Variants in RAB3GAP2 observed in about 807,000 individuals in gnomAD.
The protein encoded by RAB3GAP2 is RAB3 GTPase activating non-catalytic protein subunit 2.
Under a neutral mutation model 185.3 loss-of-function variants are expected in RAB3GAP2, and 87 were observed. The observed-to-expected ratio is 0.47, with a 90% confidence interval of 0.39 to 0.56. RAB3GAP2 has a LOEUF of 0.56. Among genes scored for constraint, RAB3GAP2 ranks in the 20% least tolerant of loss-of-function variants. RAB3GAP2 has a pLI of 0.00. For missense variants in RAB3GAP2, 1,492 were observed against 1,638.2 expected (o/e 0.91, Z 1.54); for synonymous variants, 554 against 576.1 (o/e 0.96, Z 0.55).
intron 19 of RAB3GAP2, 143 bp from the exon 20 acceptor site, chr1:220,183,074 A>C (rs777175331): frequency 1.5e-6 from 1 of 678,916 alleles, no homozygotes; most frequent in Non-Finnish European, 2.5e-6. Context: ...TTTACTTACA[A>C]ATCACGTTTC....
At chr1:220,164,670 C>A (rs1347234096) in intron 27 of RAB3GAP2, 63 bp downstream of exon 27, 1 of 1,556,506 alleles carries the variant, frequency 6.4e-7, no homozygotes, top group East Asian at 2.3e-5. Context: ...AAATTCACAT[C>A]CTGTTAAATC....
At chr1:220,154,180 AT>A in intron 31 of RAB3GAP2, 123 bp from the exon 32 acceptor site, 1 of 1,363,640 alleles carries the variant, frequency 7.3e-7, no homozygotes, top group Non-Finnish European at 9.8e-7. Flanking sequence ...GAACAGTAAG[AT>A]TTTAGAATAA....
At position 220,205,921 on chromosome 1, in the gene RAB3GAP2, T is replaced by C; in HGVS notation, c.698A>G (p.Asn233Ser). 2.5e-6 allele frequency: 4 copies of C among 1,604,628 alleles called. No homozygotes were observed. The highest frequency in any genetic ancestry group is 3.3e-4 in the Middle Eastern group (2 of 6,040). The change falls in exon 8 of 35, where the codon AAT (asparagine) becomes AGT (serine). Residue 233 changes from asparagine (N) to serine (S), a missense_variant. Around this residue, in one of 5 missense-constraint regions of RAB3GAP2, gnomAD observed 243 missense variants for 314.8 expected, o/e 0.77. Coordinates refer to ENST00000358951, the MANE Select transcript of RAB3GAP2 (RefSeq NM_012414.4). The part of the protein sequence containing the change: ...SLFQSLRACR[N>S]QVAKAAASGN... Reference sequence around the variant, plus strand: ...CAAAATATTACCTTTTGCTACCTGATTTCGACAAGCACGAAGAGATTGAAA... The same window carrying C: ...CAAAATATTACCTTTTGCTACCTGACTTCGACAAGCACGAAGAGATTGAAA...
intron 1 of RAB3GAP2, among the ~76,000 whole-genome samples, chr1:220,265,423 TCCACAATATTATAATAC>T (rs1028266438): frequency 9.2e-5 from 14 of 152,054 alleles, no homozygotes; most frequent in African/African-American, 3.4e-4. Flanking sequence ...AATCAAGAAA[TCCACAATATTATAATAC>T]CCAAATTATC....
intron 1 of RAB3GAP2, among the ~76,000 whole-genome samples, chr1:220,242,813 CAA>C (rs909871215): frequency 4.1e-4 from 63 of 152,174 alleles, no homozygotes; most frequent in Admixed American, 3.3e-3. Context: ...TCCAAAAATA[CAA>C]AGTTTTTTGG....
At chr1:220,177,136 T>C (rs1393138874) in intron 21 of RAB3GAP2, among the ~76,000 whole-genome samples, 1 of 152,238 alleles carries the variant, frequency 6.6e-6, no homozygotes, top group Non-Finnish European at 1.5e-5. Flanking sequence ...CCCAGGTCCC[T>C]GGCCAGTATT....
intron 28 of RAB3GAP2, among the ~76,000 whole-genome samples, chr1:220,161,628 G>T (rs1410718468): frequency 6.6e-6 from 1 of 152,170 alleles, no homozygotes; most frequent in African/African-American, 2.4e-5. Context: ...AAAAGGGGGA[G>T]TTATTTCCAT....
At chr1:220,155,126 AT>A (rs1214198981) in intron 31 of RAB3GAP2, among the ~76,000 whole-genome samples, 1 of 152,234 alleles carries the variant, frequency 6.6e-6, no homozygotes, top group East Asian at 1.9e-4. Flanking sequence ...AGGAAACAGG[AT>A]TTTAGAAGTT....
At chr1:220,167,794 G>T in intron 24 of RAB3GAP2, 119 bp from the exon 25 acceptor site, 1 of 1,104,374 alleles carries the variant, frequency 9.1e-7, no homozygotes, top group South Asian at 1.3e-5. Flanking sequence ...TCAGCCTGAA[G>T]CTGACCCGAA....
chr1:220,149,856 GTTTTTC>G lies in RAB3GAP2; in HGVS notation c.*1389_*1394del. 1 of 152,146 alleles carries G rather than the reference GTTTTTC, an allele frequency of 6.6e-6. No homozygotes were observed. The allele number at this position is 152,146 out of a possible 1,614,324, so 9.4% of individuals were successfully genotyped here. A position where few individuals can be genotyped will look rare whatever the true frequency, so the allele number is the denominator to read the frequency against. The stretch of plus-strand genomic sequence containing the variant: ...CTCTTTTAGCTCAAAAAACAGATTT[GTTTTTC>G]TTTTTATATCCCTGAAGGACATACT... On this transcript the variant is annotated 3_prime_UTR_variant, in exon 35 of 35. Transcript: ENST00000358951.
At chr1:220,243,682 C>T (rs961574069) in intron 1 of RAB3GAP2, among the ~76,000 whole-genome samples, 1 of 152,104 alleles carries the variant, frequency 6.6e-6, no homozygotes, top group African/African-American at 2.4e-5. Flanking sequence ...TGTCACTGGT[C>T]GTTTTGAGTC....
In RAB3GAP2 at chr1:220,211,020, A is replaced by T. The variant is rs184698059; in HGVS notation, c.387-18T>A. 2.6e-5 allele frequency: 42 copies of T among 1,609,762 alleles called. No individual in the cohort carries two copies. The highest frequency in any genetic ancestry group is 3.9e-4 in the Middle Eastern group (2 of 5,118). ...CACATTCCCTAAAAACAAAAACAAAATCATATGCTTACCCACTGAACTTAC... is the reference window on the plus strand; with the variant it reads ...CACATTCCCTAAAAACAAAAACAAATTCATATGCTTACCCACTGAACTTAC... On this transcript the variant is annotated intron_variant, in intron 4 of 34. Transcript: ENST00000358951.
At chr1:220,163,744 C>CATACATATATATATATATATATAT (rs775527991) in intron 27 of RAB3GAP2, among the ~76,000 whole-genome samples, 6 of 123,022 alleles carry the variant, frequency 4.9e-5, no homozygotes, top group African/African-American at 1.6e-4. Context: ...TAAATACATA[C>CATACATATATATATATATATATAT]ATATATATAT....
intron 1 of RAB3GAP2, among the ~76,000 whole-genome samples, chr1:220,260,769 A>G (rs1167524809): frequency 6.6e-6 from 1 of 152,146 alleles, no homozygotes; most frequent in Non-Finnish European, 1.5e-5. Context: ...AGAAGAAGAA[A>G]AAAGTCTTAC....
chr1:220,196,170 A>C, intron 10 of RAB3GAP2, 80 bp downstream of exon 10: 1 of 1,486,514 alleles, frequency 6.7e-7, no homozygotes. Context: ...TCTAAGGCTA[A>C]GCAAGTTACC....
chr1:220,182,700 G>A lies in RAB3GAP2; in HGVS notation c.2212+18C>T. 3.3e-6 allele frequency: 5 copies of A among 1,525,696 alleles called. No individual in the cohort carries two copies. Among genetic ancestry groups the A allele is most frequent in the Middle Eastern group, 2.4e-4 (1 of 4,150 alleles). 94.5% of individuals were successfully genotyped at this position (1,525,696 alleles called of 1,614,324 possible). On this transcript the variant is annotated intron_variant, in intron 20 of 34. Transcript: ENST00000358951. ...TAAAAGAAGAGGCATACAAAGACCA[G>A]TGTATTATTTTACCTACCTAAAGCC...
At chr1:220,159,275 T>C (rs769948312) in intron 29 of RAB3GAP2, 111 bp downstream of exon 29, 2 of 894,732 alleles carry the variant, frequency 2.2e-6, no homozygotes, top group Non-Finnish European at 3.7e-6. Flanking sequence ...TATCTCCTTC[T>C]GATACGTCAT....
chr1:220,243,740 G>T (rs1659743528), intron 1 of RAB3GAP2, among the ~76,000 whole-genome samples: 2 of 152,150 alleles, frequency 1.3e-5, no homozygotes, highest in Admixed American at 1.3e-4. Context: ...AATACAACGA[G>T]GTGCTGCTAT....
intron 1 of RAB3GAP2, among the ~76,000 whole-genome samples, chr1:220,265,023 A>G (rs1315713153): frequency 3.9e-5 from 6 of 152,112 alleles, no homozygotes; most frequent in East Asian, 1.9e-4. Context: ...TCAAATCTCA[A>G]TTTCCTCACT....
Sources: allele counts gnomAD v4.1 joint callset (sites outside exome capture counted in the v4.1 genomes callset), GRCh38; gene constraint gnomAD v4.1.1; regional missense constraint gnomAD v4.1.1; transcripts MANE v1.5; gene names NCBI Gene and HGNC (gene_info 2026-07-23, HGNC 2026-07-21).